OR2L13: variants seen among roughly 807,000 people sequenced by gnomAD.
OR2L13 encodes the protein olfactory receptor 2L13.
Under a neutral mutation model 15.3 loss-of-function variants are expected in OR2L13, and 14 were observed. That is an observed-to-expected ratio of 0.91 (90% CI 0.60 to 1.43). OR2L13 has a LOEUF of 1.43. OR2L13 is among the 40% of genes most tolerant of loss of function. The pLI is 0.00. For synonymous variants in OR2L13, 152 were observed against 142.9 expected (o/e 1.06, Z -0.45); for missense variants, 367 against 387.9 (o/e 0.95, Z 0.45).
the OR2L13 span, among the ~76,000 whole-genome samples, chr1:247,980,191 C>T: frequency 6.6e-6 from 1 of 152,078 alleles, no homozygotes. Context: ...TATTATACCA[C>T]AATCAATAGT....
At chr1:248,050,130 C>T in the OR2L13 span, among the ~76,000 whole-genome samples, 1 of 152,100 alleles carries the variant, frequency 6.6e-6, no homozygotes, top group African/African-American at 2.4e-5. Context: ...CTGCCTTTCA[C>T]ATGAGACGTA....
At chr1:247,956,231 A>C in the OR2L13 span, among the ~76,000 whole-genome samples, 1 of 151,836 alleles carries the variant, frequency 6.6e-6, no homozygotes, top group African/African-American at 2.4e-5. Context: ...TTTTGTCAGG[A>C]TTGTCAAAGA....
chr1:247,969,157 C>G, the OR2L13 span, among the ~76,000 whole-genome samples: 2 of 152,224 alleles, frequency 1.3e-5, no homozygotes, highest in South Asian at 4.2e-4. Context: ...TGAGAAGTGT[C>G]TGCTCATATC....
chr1:248,027,077 A>G, the OR2L13 span, among the ~76,000 whole-genome samples: 1,155 of 152,280 alleles, frequency 7.6e-3, 6 homozygotes, highest in African/African-American at 0.027. Flanking sequence ...ATATCGCTGA[A>G]TTCTTTTTCT....
chr1:248,007,353 A>G, the OR2L13 span, among the ~76,000 whole-genome samples: 3 of 152,180 alleles, frequency 2.0e-5, no homozygotes, highest in African/African-American at 7.2e-5. Context: ...CATAAATGAC[A>G]CTTCAAAAGT....
At chr1:248,034,623 T>C in the OR2L13 span, among the ~76,000 whole-genome samples, 1 of 152,200 alleles carries the variant, frequency 6.6e-6, no homozygotes, top group African/African-American at 2.4e-5. Flanking sequence ...TGTATTTCCA[T>C]TTATCTGTGT....
At chr1:248,081,396 T>C in the OR2L13 span, among the ~76,000 whole-genome samples, 2 of 152,192 alleles carry the variant, frequency 1.3e-5, no homozygotes, top group Non-Finnish European at 1.5e-5. Flanking sequence ...TTTTTGTTGT[T>C]GTCGTCGTTG....
At chr1:247,980,009 CTAAA>C in the OR2L13 span, among the ~76,000 whole-genome samples, 2 of 151,904 alleles carry the variant, frequency 1.3e-5, no homozygotes, top group African/African-American at 2.4e-5. Flanking sequence ...AGTGTATCAA[CTAAA>C]TAAATATTTC....
the OR2L13 span, among the ~76,000 whole-genome samples, chr1:248,081,934 G>C: frequency 6.6e-6 from 1 of 152,096 alleles, no homozygotes; most frequent in Non-Finnish European, 1.5e-5. Context: ...CTGAAATGGC[G>C]GGTTAACTTT....
the OR2L13 span, among the ~76,000 whole-genome samples, chr1:248,047,454 A>G: frequency 6.6e-6 from 1 of 152,206 alleles, no homozygotes; most frequent in African/African-American, 2.4e-5. Context: ...TAAAATCACC[A>G]GTCTTCAGTG....
At chr1:247,988,427 A>T in the OR2L13 span, among the ~76,000 whole-genome samples, 1 of 152,124 alleles carries the variant, frequency 6.6e-6, no homozygotes, top group Non-Finnish European at 1.5e-5. Flanking sequence ...TGTGGATTTC[A>T]TAACATATCA....
chr1:247,945,598 T>C, the OR2L13 span, among the ~76,000 whole-genome samples: 2 of 152,154 alleles, frequency 1.3e-5, no homozygotes, highest in Admixed American at 1.3e-4. Context: ...AGTGGGGTAT[T>C]AAAGTCTCCC....
At chr1:248,085,436 T>TAAAATAAAATAAAATAAAATAAAATAA in the OR2L13 span, among the ~76,000 whole-genome samples, 2,807 of 84,462 alleles carry the variant, frequency 0.033, 468 homozygotes, top group East Asian at 0.11. Context: ...TAAAATAAAA[T>TAAAATAAAATAAAATAAAATAAAATAA]AATAAAATAA....
the OR2L13 span, chr1:248,021,997 T>C: frequency 6.8e-6 from 11 of 1,613,922 alleles, no homozygotes; most frequent in African/African-American, 1.3e-5. Context: ...TTGGGGCTGT[T>C]CCCACCATCA....
chr1:248,061,174 A>T, the OR2L13 span: 2 of 1,612,798 alleles, frequency 1.2e-6, no homozygotes, highest in African/African-American at 2.7e-5. Context: ...TGTACTCCAT[A>T]TTCCTTATTG....
At chr1:248,051,872 G>T in the OR2L13 span, among the ~76,000 whole-genome samples, 1 of 151,986 alleles carries the variant, frequency 6.6e-6, no homozygotes, top group Middle Eastern at 3.2e-3. Context: ...CAATGCAGAT[G>T]GTTCCAGGTT....
At chr1:248,052,173 AT>A in the OR2L13 span, among the ~76,000 whole-genome samples, 1 of 152,202 alleles carries the variant, frequency 6.6e-6, no homozygotes, top group Non-Finnish European at 1.5e-5. Flanking sequence ...TGCATTTAGG[AT>A]TTTTATTCAT....
At chr1:247,979,539 A>AT in the OR2L13 span, among the ~76,000 whole-genome samples, 34,914 of 151,786 alleles carry the variant, frequency 0.23, 6,205 homozygotes, top group African/African-American at 0.49. Context: ...TATGTGCCAC[A>AT]TTTTTTTTAT....
chr1:248,058,106 CA>C, the OR2L13 span, among the ~76,000 whole-genome samples: 12,654 of 152,076 alleles, frequency 0.083, 688 homozygotes, highest in African/African-American at 0.15. Context: ...GTTAAAATCC[CA>C]ACTGTCACAT....
Sources: allele counts gnomAD v4.1 joint callset (sites outside exome capture counted in the v4.1 genomes callset), GRCh38; gene constraint gnomAD v4.1.1; transcripts MANE v1.5; gene names NCBI Gene and HGNC (gene_info 2026-07-23, HGNC 2026-07-21).